The following KCTD16 variants were observed in gnomAD, a reference collection of about 807,000 sequenced individuals.
KCTD16 encodes the protein potassium channel tetramerization domain containing 16.
Under a neutral mutation model 33.2 loss-of-function variants are expected in KCTD16, and 13 were observed. The observed-to-expected ratio is 0.39, with a 90% CI of 0.25 to 0.62. The LOEUF (loss-of-function observed/expected upper bound fraction) is 0.62, where lower values mean the gene tolerates loss of function less well. KCTD16 is among the 20% of genes least tolerant of loss of function. The pLI, the probability that KCTD16 is intolerant of heterozygous loss-of-function variation, is 0.50. For missense variants in KCTD16, 441 were observed against 525.1 expected, an observed-to-expected ratio of 0.84 and a Z score of 1.57; for synonymous variants, 197 against 195.3, an observed-to-expected ratio of 1.01 and a Z score of -0.07.
In KCTD16 at chr5:144,459,994, G is replaced by A. The variant is rs577024717; in HGVS notation, c.833-13666G>A. On this transcript the variant is annotated intron_variant, in intron 3 of 3. Transcript: ENST00000512467. ...ACTACAGGCATCTGCCACCACGCCTGGCTAATTTTTTGTATTTTTAGTAGA... is the reference window on the plus strand; with the variant it reads ...ACTACAGGCATCTGCCACCACGCCTAGCTAATTTTTTGTATTTTTAGTAGA... Among the ~76,000 whole-genome samples the A allele has an allele frequency of 1.6e-4, 24 of 151,894 alleles. No homozygotes were observed. In the South Asian group the frequency reaches 4.6e-3, roughly 29 times the overall value.
intron 3 of KCTD16, among the ~76,000 whole-genome samples, chr5:144,250,500 G>A (rs1380395078): frequency 2.0e-5 from 3 of 152,156 alleles, no homozygotes; most frequent in Admixed American, 6.5e-5. Context: ...TTCCAGAAAC[G>A]TTTTTCTCAG....
chr5:144,368,936 A>G (rs958014662), intron 3 of KCTD16, among the ~76,000 whole-genome samples: 1 of 152,338 alleles, frequency 6.6e-6, no homozygotes, highest in South Asian at 2.1e-4. Flanking sequence ...ACTCGAACCC[A>G]GATTTATCTG....
intron 2 of KCTD16, among the ~76,000 whole-genome samples, chr5:144,180,524 C>T (rs983445141): frequency 1.3e-5 from 2 of 152,110 alleles, no homozygotes; most frequent in Non-Finnish European, 1.5e-5. Context: ...AAAACCATAA[C>T]AATAACATTT....
At chr5:144,208,107 T>A (rs1162814451) in intron 3 of KCTD16, among the ~76,000 whole-genome samples, 1 of 152,142 alleles carries the variant, frequency 6.6e-6, no homozygotes, top group Admixed American at 6.5e-5. Context: ...CTTTTAAGGG[T>A]TTTACAAATC....
chr5:144,291,998 A>G (rs1245655744), intron 3 of KCTD16, among the ~76,000 whole-genome samples: 1 of 152,108 alleles, frequency 6.6e-6, no homozygotes, highest in Non-Finnish European at 1.5e-5. Flanking sequence ...TAATGAAGGA[A>G]CTCATATTTC....
At chr5:144,438,587 C>A (rs1412289829) in intron 3 of KCTD16, among the ~76,000 whole-genome samples, 1 of 152,204 alleles carries the variant, frequency 6.6e-6, no homozygotes. Flanking sequence ...TGTTCTCATA[C>A]CTGCATCAAT....
intron 3 of KCTD16, among the ~76,000 whole-genome samples, chr5:144,213,381 TTCTTTCTTTCTTTCTCTC>T (rs563982600): frequency 1.3e-5 from 2 of 148,358 alleles, no homozygotes; most frequent in African/African-American, 2.6e-5. Flanking sequence ...TTCTTTCTCT[TTCTTTCTTTCTTTCTCTC>T]TCTTTCTTTT....
chr5:144,348,017 A>G (rs1446374080), intron 3 of KCTD16, among the ~76,000 whole-genome samples: 3 of 152,186 alleles, frequency 2.0e-5, no homozygotes, highest in Admixed American at 6.5e-5. Context: ...TTTGCTGCCT[A>G]ACCTAGTTTC....
chr5:144,347,884 G>C (rs1752847767), intron 3 of KCTD16, among the ~76,000 whole-genome samples: 1 of 152,180 alleles, frequency 6.6e-6, no homozygotes, highest in Non-Finnish European at 1.5e-5. Context: ...ATCTGCCCCA[G>C]GTGAGCTGCC....
At chr5:144,319,114 A>C (rs1187321511) in intron 3 of KCTD16, among the ~76,000 whole-genome samples, 1 of 152,014 alleles carries the variant, frequency 6.6e-6, no homozygotes, top group Non-Finnish European at 1.5e-5. Flanking sequence ...GGAATGAATA[A>C]ATAAATAATA....
At chr5:144,335,392 A>C (rs895658500) in intron 3 of KCTD16, among the ~76,000 whole-genome samples, 4 of 152,212 alleles carry the variant, frequency 2.6e-5, no homozygotes, top group Non-Finnish European at 5.9e-5. Context: ...GGTGGGACTG[A>C]GTGGAGACTG....
chr5:144,236,915 C>T (rs1025375810), intron 3 of KCTD16, among the ~76,000 whole-genome samples: 1 of 152,080 alleles, frequency 6.6e-6, no homozygotes, highest in African/African-American at 2.4e-5. Flanking sequence ...ATCATATTGG[C>T]AATGGCTATC....
intron 3 of KCTD16, among the ~76,000 whole-genome samples, chr5:144,248,446 A>G (rs1754608906): frequency 6.6e-6 from 1 of 152,226 alleles, no homozygotes; most frequent in Non-Finnish European, 1.5e-5. Flanking sequence ...TGAACTAAAT[A>G]CTGTCCAGTC....
intron 3 of KCTD16, among the ~76,000 whole-genome samples, chr5:144,360,204 T>C (rs1751675102): frequency 6.6e-6 from 1 of 152,154 alleles, no homozygotes; most frequent in Non-Finnish European, 1.5e-5. Context: ...CAACCCATCA[T>C]CTACATTAGG....
At chr5:144,175,001 G>A (rs1439385530) in intron 2 of KCTD16, among the ~76,000 whole-genome samples, 1 of 152,158 alleles carries the variant, frequency 6.6e-6, no homozygotes, top group Admixed American at 6.5e-5. Context: ...TGGGTAGTAG[G>A]GGAGATAATA....
chr5:144,379,334 T>A (rs1752160244), intron 3 of KCTD16, among the ~76,000 whole-genome samples: 1 of 152,152 alleles, frequency 6.6e-6, no homozygotes, highest in South Asian at 2.1e-4. Context: ...GATTAGTAAA[T>A]AGATATTTCA....
intron 2 of KCTD16, among the ~76,000 whole-genome samples, chr5:144,198,001 A>G (rs1752970063): frequency 6.6e-6 from 1 of 152,050 alleles, no homozygotes; most frequent in South Asian, 2.1e-4. Context: ...TTCCATTCCA[A>G]TTTGACCCCA....
intron 3 of KCTD16, among the ~76,000 whole-genome samples, chr5:144,320,053 GACCTAT>G: frequency 6.6e-6 from 1 of 152,074 alleles, no homozygotes; most frequent in Non-Finnish European, 1.5e-5. Context: ...CAGGTACAAT[GACCTAT>G]TAGCCAGGAC....
At chr5:144,391,422 A>C (rs763424620) in intron 3 of KCTD16, among the ~76,000 whole-genome samples, 1 of 152,228 alleles carries the variant, frequency 6.6e-6, no homozygotes, top group Non-Finnish European at 1.5e-5. Flanking sequence ...CATCCTCTGC[A>C]TATCTACTCA....
Sources: gnomAD v4.1 joint callset for allele counts (sites outside exome capture counted in the v4.1 genomes callset) on GRCh38, gnomAD v4.1.1 for gene constraint, MANE v1.5 for transcripts, NCBI Gene and HGNC (gene_info 2026-07-23, HGNC 2026-07-21) for gene names.